Variants in SAR1B observed in about 807,000 individuals in gnomAD.
The protein encoded by SAR1B is small COPII coat GTPase SAR1B.
Under a neutral mutation model 26.8 loss-of-function variants are expected in SAR1B, and 23 were observed. That is an observed-to-expected ratio of 0.86 (90% CI 0.62 to 1.22). SAR1B has a LOEUF of 1.22. Among genes scored for constraint, SAR1B ranks in the 50% most tolerant of loss-of-function variants. The probability of loss-of-function intolerance (pLI) is 0.00; values close to 1 mark genes in which losing one functional copy is unlikely to be tolerated. For missense variants in SAR1B, 196 were observed against 232.8 expected (o/e 0.84, Z 1.03); for synonymous variants, 65 against 80.8 (o/e 0.80, Z 1.05).
chr5:134,629,794 G>A (rs1765566768), intron 1 of SAR1B, among the ~76,000 whole-genome samples: 1 of 151,564 alleles, frequency 6.6e-6, no homozygotes, highest in Non-Finnish European at 1.5e-5. Flanking sequence ...GCTGAGGTAT[G>A]AGAATTGCTT....
Position 134,608,409 on chromosome 5 carries a change from C to T in SAR1B, c.443G>A (p.Arg148Gln), listed in dbSNP as rs368290466. Residue 148 changes from arginine (R) to glutamine (Q), a missense_variant, in exon 6 of 7, where the codon CGA becomes CAA. Physicochemically the swap from Arg to Gln is conservative, Grantham distance 43 (BLOSUM62 1). Transcript: ENST00000402673. ...RPEAISEERLREMFGLYGQTT... is the reference protein window; with the variant it reads ...RPEAISEERLQEMFGLYGQTT... Reference sequence around the variant, plus strand: ...CTGACCATATAAACCAAACATCTCTCGCAACCTCTCTTCACTGATGGCTTC... The same window carrying T: ...CTGACCATATAAACCAAACATCTCTTGCAACCTCTCTTCACTGATGGCTTC... 3.6e-5 allele frequency: 57 copies of T among 1,600,618 alleles called. No individual in the cohort carries two copies. Among genetic ancestry groups the T allele is most frequent in the Non-Finnish European group, 4.3e-5 (51 of 1,173,138 alleles).
Position 134,612,681 on chromosome 5 carries a change from A to AAAAAAATAAAATT in SAR1B, c.244+9_244+10insAATTTTATTTTTT. On this transcript the variant is annotated intron_variant, in intron 4 of 6. Transcript: ENST00000402673. The stretch of plus-strand genomic sequence containing the variant: ...AAAAAAAAAAAAAAAAAAAAAAAAA[A>AAAAAAATAAAATT]GAATCTTACCTTGAACATGTCCACC... The AAAAAAATAAAATT allele has an allele frequency of 1.8e-6, 2 of 1,124,728 alleles. No individual in the cohort carries two copies. The highest frequency in any genetic ancestry group is 2.4e-6 in the Non-Finnish European group (2 of 836,276). 69.7% of individuals were successfully genotyped at this position (1,124,728 alleles called of 1,614,324 possible). A position where few individuals can be genotyped will look rare whatever the true frequency, so the allele number is the denominator to read the frequency against.
At chr5:134,629,480 C>T (rs572282946) in intron 1 of SAR1B, among the ~76,000 whole-genome samples, 1 of 152,108 alleles carries the variant, frequency 6.6e-6, no homozygotes, top group Admixed American at 6.6e-5. Context: ...GGGCAGATCA[C>T]GAGGTCAGGA....
chr5:134,609,203 T>G (rs1765175765), intron 5 of SAR1B: 1 of 427,398 alleles, frequency 2.3e-6, no homozygotes, highest in Admixed American at 2.8e-5. Context: ...AAAGATGGCA[T>G]GTCCTATCAT....
intron 3 of SAR1B, chr5:134,614,384 T>C (rs1429211850): frequency 6.6e-6 from 1 of 152,240 alleles, no homozygotes; most frequent in Non-Finnish European, 1.5e-5. Flanking sequence ...TCTTTGCATG[T>C]CTAGTAATTT....
intron 3 of SAR1B, chr5:134,614,148 A>C (rs1432472987): frequency 6.6e-6 from 1 of 152,196 alleles, no homozygotes; most frequent in Non-Finnish European, 1.5e-5. Flanking sequence ...TCTATTAAAA[A>C]AAAGAAAGAA....
intron 5 of SAR1B, 72 bp downstream of exon 5, chr5:134,609,499 T>C: frequency 8.2e-7 from 1 of 1,213,090 alleles, no homozygotes; most frequent in Non-Finnish European, 1.2e-6. Flanking sequence ...CTCTGATACC[T>C]GTATCTCTGA....
At chr5:134,612,798 C>A in intron 3 of SAR1B, 42 bp from the exon 4 acceptor site, 1 of 1,545,706 alleles carries the variant, frequency 6.5e-7, no homozygotes, top group Non-Finnish European at 8.8e-7. Flanking sequence ...AAATTAGAAA[C>A]CCATTAATCG....
intron 2 of SAR1B, 103 bp downstream of exon 2, chr5:134,623,859 T>C: frequency 1.3e-6 from 1 of 794,736 alleles, no homozygotes; most frequent in Non-Finnish European, 2.2e-6. Flanking sequence ...TCTTAACTAT[T>C]CTTTACTACT....
intron 5 of SAR1B, chr5:134,609,271 C>A (rs1765176463): frequency 1.6e-5 from 7 of 441,848 alleles, no homozygotes; most frequent in Middle Eastern, 6.8e-4. Flanking sequence ...CAAGATCAAC[C>A]CACTCCAGGA....
At chr5:134,612,069 T>A (rs1348344001) in intron 4 of SAR1B, among the ~76,000 whole-genome samples, 2 of 152,140 alleles carry the variant, frequency 1.3e-5, no homozygotes, top group African/African-American at 2.4e-5. Flanking sequence ...GAATGCCAGG[T>A]TAATGAGTTT....
At position 134,602,044 on chromosome 5, in the gene SAR1B, A is replaced by C. The variant is rs1268241966; in HGVS notation, c.*4906T>G. 6.6e-6 allele frequency: 1 copy of C among 152,240 alleles called. No individual in the cohort carries two copies. Among genetic ancestry groups the C allele is most frequent in the Non-Finnish European group, 1.5e-5 (1 of 68,074 alleles). 9.4% of individuals were successfully genotyped at this position (152,240 alleles called of 1,614,324 possible). Reference sequence around the variant, plus strand: ...GGGTGACAAAGCAAGACTCCATCTCAAACAAACAAACAAAAAAGTATGCTG... The same window carrying C: ...GGGTGACAAAGCAAGACTCCATCTCCAACAAACAAACAAAAAAGTATGCTG... On this transcript the variant is annotated 3_prime_UTR_variant, in exon 7 of 7. Transcript: ENST00000402673.
intron 3 of SAR1B, chr5:134,613,026 A>T: frequency 2.2e-6 from 1 of 464,018 alleles, no homozygotes; most frequent in Non-Finnish European, 3.8e-6. Context: ...TGGTCCAAGC[A>T]AGCATTAGGT....
Position 134,620,305 on chromosome 5 carries a change from C to CA in SAR1B, c.178+627dup, listed in dbSNP as rs879598098. On this transcript the variant is annotated intron_variant, in intron 3 of 6. Transcript: ENST00000402673. ...TGGGCGACAGAGTGAGACTCCACCT[C>CA]AAAAAAAAAAAAATCTGAAAGAAAA... Among the ~76,000 whole-genome samples the CA allele has an allele frequency of 2.9e-3, 377 of 130,970 alleles. 2 individuals carry two copies. Among genetic ancestry groups the CA allele is most frequent in the Non-Finnish European group, 3.1e-3 (190 of 60,772 alleles). 85.9% of individuals were successfully genotyped at this position (130,970 alleles called of 152,430 possible).
At chr5:134,628,087 C>T (rs527742204) in intron 1 of SAR1B, among the ~76,000 whole-genome samples, 99 of 151,156 alleles carry the variant, frequency 6.5e-4, no homozygotes, top group African/African-American at 2.2e-3. Context: ...TGCAGTGAGC[C>T]GAGATCGTGC....
chr5:134,609,714 C>G, intron 4 of SAR1B, 40 bp from the exon 5 acceptor site: 1 of 1,521,262 alleles, frequency 6.6e-7, no homozygotes, highest in South Asian at 1.1e-5. Flanking sequence ...ACTTGTTGGT[C>G]AAACCCAGCA....
At chr5:134,618,018 A>AT (rs35307903) in intron 3 of SAR1B, among the ~76,000 whole-genome samples, 20,666 of 152,054 alleles carry the variant, frequency 0.14, 1,591 homozygotes, top group East Asian at 0.27. Context: ...TTCTCCTAAT[A>AT]TAAAAAAAAG....
chr5:134,606,956 A>C lies in SAR1B; in HGVS notation c.591T>G (p.Ile197Met). 1 of 1,607,234 alleles carries C rather than the reference A, an allele frequency of 6.2e-7. No individual in the cohort carries two copies. Among genetic ancestry groups the C allele is most frequent in the Non-Finnish European group, 8.5e-7 (1 of 1,173,716 alleles). The stretch of plus-strand genomic sequence containing the variant: ...GAACCAATGTGAGTTTGTGTTAATC[A>C]ATGTACTGTGCCATCCAGCGGAAGC... ...GEGFRWMAQY[I>M]D The change falls in exon 7 of 7, where the codon ATT (isoleucine) becomes ATG (methionine). Residue 197 changes from isoleucine to methionine, a missense_variant. By Grantham distance (10) the Ile-to-Met change is conservative. Coordinates refer to ENST00000402673, the MANE Select transcript of SAR1B (RefSeq NM_016103.4).
At chr5:134,609,818 G>A (rs1765184595) in intron 4 of SAR1B, 144 bp from the exon 5 acceptor site, 1 of 712,394 alleles carries the variant, frequency 1.4e-6, no homozygotes, top group Non-Finnish European at 2.5e-6. Flanking sequence ...CTTTTACCCA[G>A]TGGTGCCAAA....
Sources: gnomAD v4.1 joint callset for allele counts (sites outside exome capture counted in the v4.1 genomes callset) on GRCh38, gnomAD v4.1.1 for gene constraint, MANE v1.5 for transcripts, NCBI Gene and HGNC (gene_info 2026-07-23, HGNC 2026-07-21) for gene names.